The following MSRB3 variants were observed in gnomAD, a reference collection of about 807,000 sequenced individuals.
MSRB3 encodes the protein methionine sulfoxide reductase B3.
In MSRB3, 13 loss-of-function variants were observed where a neutral mutation model predicts 21.0. The observed-to-expected ratio is 0.62, with a 90% CI of 0.40 to 0.98. The LOEUF (loss-of-function observed/expected upper bound fraction) is 0.98, where lower values mean the gene tolerates loss of function less well. MSRB3 is among the 50% of genes least tolerant of loss of function. MSRB3 has a pLI of 0.00. For synonymous variants in MSRB3, 87 were observed against 88.6 expected, an observed-to-expected ratio of 0.98 and a Z score of 0.10; for missense variants, 199 against 230.3, an observed-to-expected ratio of 0.86 and a Z score of 0.88.
intron 1 of MSRB3, 42 bp downstream of exon 1, chr12:65,278,907 C>A: frequency 6.5e-7 from 1 of 1,544,398 alleles, no homozygotes; most frequent in Non-Finnish European, 8.8e-7. Flanking sequence ...CGCCTCACCC[C>A]TCCCACCCCG....
At chr12:65,426,639 G>A (rs749274464) in intron 5 of MSRB3, among the ~76,000 whole-genome samples, 58 of 152,134 alleles carry the variant, frequency 3.8e-4, no homozygotes, top group African/African-American at 1.2e-3. Flanking sequence ...TAAGCTTTCT[G>A]GCTCTTTGTC....
intron 4 of MSRB3, among the ~76,000 whole-genome samples, chr12:65,354,743 A>G (rs12318747): frequency 0.092 from 13,976 of 151,982 alleles, 2,204 homozygotes; most frequent in African/African-American, 0.32. Context: ...CAAGAATAAG[A>G]ACCAGTCATT....
chr12:65,407,626 A>G (rs1413461058), intron 5 of MSRB3, among the ~76,000 whole-genome samples: 14 of 152,206 alleles, frequency 9.2e-5, no homozygotes, highest in Non-Finnish European at 2.9e-5. Flanking sequence ...AGCCATTATT[A>G]CTTTAAACAT....
At chr12:65,280,652 T>G (rs1871960417) in intron 1 of MSRB3, among the ~76,000 whole-genome samples, 1 of 152,090 alleles carries the variant, frequency 6.6e-6, no homozygotes, top group Non-Finnish European at 1.5e-5. Flanking sequence ...TATCTGGAAA[T>G]TTTTATATTA....
chr12:65,425,387 G>GCA, intron 5 of MSRB3, among the ~76,000 whole-genome samples: 1 of 151,902 alleles, frequency 6.6e-6, no homozygotes, highest in Middle Eastern at 3.4e-3. Context: ...CTCATTAGTG[G>GCA]CATTAAAAAT....
At chr12:65,341,053 A>G (rs995066160) in intron 4 of MSRB3, among the ~76,000 whole-genome samples, 1 of 152,156 alleles carries the variant, frequency 6.6e-6, no homozygotes, top group African/African-American at 2.4e-5. Flanking sequence ...ATAAAAAGAT[A>G]TTCAATCAAA....
chr12:65,333,199 G>A (rs897211523), intron 4 of MSRB3, among the ~76,000 whole-genome samples: 1 of 152,260 alleles, frequency 6.6e-6, no homozygotes, highest in Admixed American at 6.5e-5. Context: ...ATAAATTTAT[G>A]AAATATTTTT....
At chr12:65,373,530 A>G (rs1246052503) in intron 5 of MSRB3, among the ~76,000 whole-genome samples, 1 of 151,818 alleles carries the variant, frequency 6.6e-6, no homozygotes, top group Admixed American at 6.5e-5. Flanking sequence ...TTTTTTCTAT[A>G]GAGTCATGTT....
At chr12:65,425,954 T>A (rs891249716) in intron 5 of MSRB3, among the ~76,000 whole-genome samples, 1 of 152,142 alleles carries the variant, frequency 6.6e-6, no homozygotes, top group Non-Finnish European at 1.5e-5. Context: ...CCTCCCAGGT[T>A]CAAGCAATTC....
At chr12:65,303,027 T>C (rs1194988000) in intron 1 of MSRB3, among the ~76,000 whole-genome samples, 8 of 152,196 alleles carry the variant, frequency 5.3e-5, no homozygotes, top group African/African-American at 1.2e-4. Context: ...GAGCCTTTTT[T>C]TTTGGTCATT....
At chr12:65,462,315 A>C (rs1410942643) in intron 6 of MSRB3, among the ~76,000 whole-genome samples, 1 of 152,160 alleles carries the variant, frequency 6.6e-6, no homozygotes, top group African/African-American at 2.4e-5. Context: ...GCATCAACGC[A>C]GTTAGTGTAG....
intron 4 of MSRB3, among the ~76,000 whole-genome samples, chr12:65,331,031 A>C (rs200919152): frequency 1.3e-5 from 2 of 152,248 alleles, no homozygotes; most frequent in Admixed American, 6.5e-5. Context: ...TGTAAATTAT[A>C]TGGTGGACTT....
intron 5 of MSRB3, among the ~76,000 whole-genome samples, chr12:65,391,575 C>T (rs1276941606): frequency 1.3e-5 from 2 of 152,078 alleles, no homozygotes; most frequent in Non-Finnish European, 2.9e-5. Flanking sequence ...GTAATACTGT[C>T]ATATCAAATA....
chr12:65,302,406 CCT>C (rs1873389437), intron 1 of MSRB3, among the ~76,000 whole-genome samples: 1 of 152,122 alleles, frequency 6.6e-6, no homozygotes, highest in East Asian at 1.9e-4. Flanking sequence ...AATTTCTACC[CCT>C]GTTAACTCAT....
intron 5 of MSRB3, among the ~76,000 whole-genome samples, chr12:65,431,696 T>C: frequency 6.6e-6 from 1 of 152,070 alleles, no homozygotes. Context: ...GAAGTGAACA[T>C]GATACTTTTT....
At chr12:65,363,376 G>A (rs923054368) in intron 4 of MSRB3, among the ~76,000 whole-genome samples, 1 of 152,068 alleles carries the variant, frequency 6.6e-6, no homozygotes, top group Non-Finnish European at 1.5e-5. Context: ...GGATAAAATG[G>A]TAGTTTTATA....
chr12:65,369,092 C>A (rs1334358808), intron 5 of MSRB3, 66 bp downstream of exon 5: 7 of 1,181,604 alleles, frequency 5.9e-6, no homozygotes, highest in South Asian at 2.5e-5. Context: ...AGGAGTAAAT[C>A]ATCAGATCAA....
intron 6 of MSRB3, among the ~76,000 whole-genome samples, chr12:65,455,192 T>G (rs1012836587): frequency 6.0e-5 from 9 of 149,904 alleles, no homozygotes; most frequent in African/African-American, 2.2e-4. Flanking sequence ...TACTACCAAG[T>G]AGGGAGGGAG....
At chr12:65,346,552 G>A (rs1876520739) in intron 4 of MSRB3, among the ~76,000 whole-genome samples, 1 of 152,024 alleles carries the variant, frequency 6.6e-6, no homozygotes, top group East Asian at 1.9e-4. Context: ...TCACTCTGAT[G>A]GTAGTTTCTT....
Sources: allele counts gnomAD v4.1 joint callset (sites outside exome capture counted in the v4.1 genomes callset), GRCh38; gene constraint gnomAD v4.1.1; transcripts MANE v1.5; gene names NCBI Gene and HGNC (gene_info 2026-07-23, HGNC 2026-07-21).